Variants in IGFBP2 observed in about 807,000 individuals in gnomAD.
IGFBP2 encodes the protein insulin like growth factor binding protein 2.
IGFBP2 carries 12 observed loss-of-function variants against 26.2 expected under a neutral mutation model. The ratio of observed to expected loss-of-function variants is 0.46; its 90% CI spans 0.29 to 0.74. The LOEUF (loss-of-function observed/expected upper bound fraction) is 0.74, where lower values mean the gene tolerates loss of function less well. IGFBP2 is among the 30% of genes least tolerant of loss of function. The pLI, the probability that IGFBP2 is intolerant of heterozygous loss-of-function variation, is 0.09. For missense variants in IGFBP2, 328 were observed against 441.2 expected (o/e 0.74, Z 2.30); for synonymous variants, 189 against 200.6 (o/e 0.94, Z 0.49).
At chr2:216,659,140 A>G (rs1399151026) in intron 1 of IGFBP2, among the ~76,000 whole-genome samples, 1 of 152,196 alleles carries the variant, frequency 6.6e-6, no homozygotes, top group Non-Finnish European at 1.5e-5. Flanking sequence ...GGGAAAGGAC[A>G]GGGACAGACC....
chr2:216,644,592 T>G (rs1574557562), intron 1 of IGFBP2, among the ~76,000 whole-genome samples: 2 of 152,040 alleles, frequency 1.3e-5, no homozygotes, highest in African/African-American at 2.4e-5. Context: ...GGTTGGACTC[T>G]GGGGGTGCAG....
Position 216,660,752 on chromosome 2 carries a change from A to G in IGFBP2, c.638A>G (p.Glu213Gly), listed in dbSNP as rs1336974146. 1 of 1,608,832 alleles carries G rather than the reference A, an allele frequency of 6.2e-7. No homozygotes were observed. Among genetic ancestry groups the G allele is most frequent in the Non-Finnish European group, 8.5e-7 (1 of 1,177,992 alleles). Residue 213 changes from glutamate to glycine, a missense_variant, in exon 2 of 4, where the codon GAG (glutamate) becomes GGG (glycine). Transcript: ENST00000233809. ...GKGGKHHLGL[E>G]EPKKLRPPPA... ...GGTGGCAAGCATCACCTTGGCCTGG[A>G]GGAGCCCAAGAAGCTGCGACCACCC...
In IGFBP2 at chr2:216,639,007, A is replaced by ATT. The variant is rs1208707145; in HGVS notation, c.442+5064_442+5065dup. On this transcript the variant is annotated intron_variant, in intron 1 of 3. Coordinates refer to ENST00000233809, the MANE Select transcript of IGFBP2 (RefSeq NM_000597.3). ...TGAGCCACGGTGCCCGACCAGGCTA[A>ATT]TTTTTTTTTTTTTTTTTTTTTTTGA... is the stretch of plus-strand genomic sequence containing the variant. 3.2e-3 allele frequency among the ~76,000 whole-genome samples: 373 copies of ATT among 115,006 alleles called. 2 individuals carry two copies. The highest frequency in any genetic ancestry group is 8.4e-3 in the South Asian group (31 of 3,698). The allele number at this position is 115,006 out of a possible 152,430, so 75.4% of individuals were successfully genotyped here.
At chr2:216,638,936 A>G (rs1015060269) in intron 1 of IGFBP2, among the ~76,000 whole-genome samples, 3 of 150,760 alleles carry the variant, frequency 2.0e-5, no homozygotes, top group Non-Finnish European at 2.9e-5. Context: ...TCCTGACCTC[A>G]TGATCCGCCC....
rs1005623643 is a variant in IGFBP2, at chr2:216,658,302, A to T, written c.443-2255A>T. ...GAACTGTCTCGAGGCTCCTCACGAG[A>T]TGATTCTCCCCTCATCTTGAGTGGA... On this transcript the variant is annotated intron_variant, in intron 1 of 3. Coordinates refer to ENST00000233809, the MANE Select transcript of IGFBP2 (RefSeq NM_000597.3). 2.0e-5 allele frequency among the ~76,000 whole-genome samples: 3 copies of T among 152,092 alleles called. No homozygotes were observed. The East Asian group carries it at 5.8e-4, about 29-fold the overall frequency.
At chr2:216,647,232 G>GA (rs1032323836) in intron 1 of IGFBP2, among the ~76,000 whole-genome samples, 2 of 148,228 alleles carry the variant, frequency 1.3e-5, no homozygotes, top group Non-Finnish European at 3.0e-5. Context: ...AGTCTTGGAA[G>GA]AAAAAAAAAA....
intron 1 of IGFBP2, among the ~76,000 whole-genome samples, chr2:216,653,296 A>T (rs764761697): frequency 6.6e-6 from 1 of 152,222 alleles, no homozygotes; most frequent in Non-Finnish European, 1.5e-5. Flanking sequence ...ATTTTGTGGG[A>T]GTCCGTTTCT....
intron 1 of IGFBP2, among the ~76,000 whole-genome samples, chr2:216,650,636 A>G (rs1225803869): frequency 6.6e-6 from 1 of 152,176 alleles, no homozygotes; most frequent in African/African-American, 2.4e-5. Context: ...CAGCTGGGTG[A>G]TTGGCCTGTG....
chr2:216,664,101 G>T lies in IGFBP2; in HGVS notation c.975G>T (p.Gln325His). 6.3e-7 allele frequency: 1 copy of T among 1,595,288 alleles called. No homozygotes were observed. The highest frequency in any genetic ancestry group is 8.5e-7 in the Non-Finnish European group (1 of 1,169,686). ...GCGGGGTGCACACCCAGCGGATGCA[G>T]TAGACCGCAGCCAGCCGGTGCCTGG... Reference protein sequence around the residue: ...EARGVHTQRMQ With the variant: ...EARGVHTQRMH The change falls in exon 4 of 4, where the codon CAG becomes CAT. Residue 325 changes from glutamine to histidine, a missense_variant. Physicochemically the swap from Gln to His is conservative, Grantham distance 24. Coordinates refer to ENST00000233809, the MANE Select transcript of IGFBP2 (RefSeq NM_000597.3). The surrounding 1 kb of genome is among the most constrained non-coding windows in gnomAD (Gnocchi z 4.6).
At chr2:216,648,660 AGTCAGT>A (rs1697761093) in intron 1 of IGFBP2, among the ~76,000 whole-genome samples, 1 of 151,990 alleles carries the variant, frequency 6.6e-6, no homozygotes, top group Non-Finnish European at 1.5e-5. Flanking sequence ...CCCAGGCTGG[AGTCAGT>A]GGCGCGATCT....
intron 1 of IGFBP2, among the ~76,000 whole-genome samples, chr2:216,641,024 T>C (rs1213733502): frequency 6.6e-6 from 1 of 152,212 alleles, no homozygotes; most frequent in African/African-American, 2.4e-5. Flanking sequence ...TGACCGGGGT[T>C]GGTTCCATTG....
At chr2:216,639,051 C>T (rs1336577130) in intron 1 of IGFBP2, among the ~76,000 whole-genome samples, 17 of 119,658 alleles carry the variant, frequency 1.4e-4, no homozygotes, top group Admixed American at 7.7e-4. Flanking sequence ...CTTGCTCCGT[C>T]GCCCAGGCTG....
chr2:216,651,651 A>AT (rs1697827179), intron 1 of IGFBP2, among the ~76,000 whole-genome samples: 1 of 152,146 alleles, frequency 6.6e-6, no homozygotes, highest in Non-Finnish European at 1.5e-5. Flanking sequence ...CTCATGACTC[A>AT]TTTTTTCCAT....
intron 1 of IGFBP2, among the ~76,000 whole-genome samples, chr2:216,658,346 A>C (rs1388363326): frequency 6.6e-6 from 1 of 151,860 alleles, no homozygotes; most frequent in African/African-American, 2.4e-5. Context: ...ACATTTGAAC[A>C]TGCTCAGCCG....
At chr2:216,653,643 G>A (rs1208786439) in intron 1 of IGFBP2, among the ~76,000 whole-genome samples, 1 of 152,138 alleles carries the variant, frequency 6.6e-6, no homozygotes, top group Non-Finnish European at 1.5e-5. Context: ...CATCCCATCT[G>A]CCTTCCTCAT....
chr2:216,634,817 G>C (rs1697460945), intron 1 of IGFBP2, among the ~76,000 whole-genome samples: 1 of 138,414 alleles, frequency 7.2e-6, no homozygotes, highest in African/African-American at 2.7e-5. Context: ...ATGAGGACCC[G>C]ATATTCTTTG....
At chr2:216,654,392 G>C (rs1030162815) in intron 1 of IGFBP2, among the ~76,000 whole-genome samples, 17 of 152,318 alleles carry the variant, frequency 1.1e-4, no homozygotes, top group Middle Eastern at 3.4e-3. Flanking sequence ...GGTGCATACT[G>C]TTTGTCCTTT....
chr2:216,652,265 C>A (rs1325095144), intron 1 of IGFBP2, among the ~76,000 whole-genome samples: 1 of 151,764 alleles, frequency 6.6e-6, no homozygotes, highest in Non-Finnish European at 1.5e-5. Flanking sequence ...CCTCCGCTTC[C>A]CGGGTTCAAG....
At chr2:216,647,419 C>T (rs928423677) in intron 1 of IGFBP2, among the ~76,000 whole-genome samples, 1 of 152,214 alleles carries the variant, frequency 6.6e-6, no homozygotes, top group East Asian at 1.9e-4. Context: ...TGGCAATGGA[C>T]TCAGGCTAGA....
Sources: gnomAD v4.1 joint callset for allele counts (sites outside exome capture counted in the v4.1 genomes callset) on GRCh38, gnomAD v4.1.1 for gene constraint, Gnocchi (gnomAD v3.1) non-coding constraint, MANE v1.5 for transcripts, NCBI Gene and HGNC (gene_info 2026-07-23, HGNC 2026-07-21) for gene names.